DPP10: variants seen among roughly 807,000 people sequenced by gnomAD.
The protein encoded by DPP10 is dipeptidyl peptidase like 10.
A neutral mutation model predicts 120.9 loss-of-function variants in DPP10; 33 were observed. The ratio of observed to expected loss-of-function variants is 0.27; its 90% CI spans 0.21 to 0.37. DPP10 has a LOEUF of 0.37. Ranked by LOEUF, DPP10 falls within the 10% of genes least tolerant of loss-of-function variation. The probability of loss-of-function intolerance (pLI) is 1.00; values close to 1 mark genes in which losing one functional copy is unlikely to be tolerated. For synonymous variants in DPP10, 337 were observed against 326.1 expected, an observed-to-expected ratio of 1.03 and a Z score of -0.36; for missense variants, 816 against 942.8, an observed-to-expected ratio of 0.87 and a Z score of 1.76.
chr2:114,461,542 C>T (rs1678916391), intron 1 of DPP10: 1 of 975,048 alleles, frequency 1.0e-6, no homozygotes, highest in African/African-American at 1.8e-5. Context: ...CAATAATGAT[C>T]AACCTCCTTT....
chr2:115,481,273 T>G (rs1432841729), intron 3 of DPP10, among the ~76,000 whole-genome samples: 1 of 152,066 alleles, frequency 6.6e-6, no homozygotes, highest in African/African-American at 2.4e-5. Context: ...GGGAAGATCT[T>G]CTATGTCATG....
intron 2 of DPP10, among the ~76,000 whole-genome samples, chr2:115,310,908 A>C (rs970854055): frequency 1.6e-4 from 25 of 152,292 alleles, no homozygotes; most frequent in African/African-American, 5.5e-4. Flanking sequence ...TGGTTCTAGC[A>C]TCCTTGGCCC....
chr2:115,209,298 C>T (rs2056356518), intron 1 of DPP10, among the ~76,000 whole-genome samples: 1 of 152,088 alleles, frequency 6.6e-6, no homozygotes, highest in Non-Finnish European at 1.5e-5. Context: ...AGCACCTTGG[C>T]AGAAAATGAA....
chr2:115,145,277 A>G (rs2051160208), intron 1 of DPP10, among the ~76,000 whole-genome samples: 1 of 152,176 alleles, frequency 6.6e-6, no homozygotes, highest in African/African-American at 2.4e-5. Flanking sequence ...TGTTCCTAAA[A>G]GTTTCCCATT....
At chr2:115,206,751 G>T (rs2056161106) in intron 1 of DPP10, among the ~76,000 whole-genome samples, 1 of 152,138 alleles carries the variant, frequency 6.6e-6, no homozygotes, top group Non-Finnish European at 1.5e-5. Flanking sequence ...GTCTGGTACT[G>T]TAAGTGTATA....
At chr2:114,923,082 C>CT (rs1695319995) in intron 1 of DPP10, among the ~76,000 whole-genome samples, 1 of 151,972 alleles carries the variant, frequency 6.6e-6, no homozygotes, top group South Asian at 2.1e-4. Context: ...ATTGGACTGT[C>CT]TTTTTATTGT....
intron 1 of DPP10, among the ~76,000 whole-genome samples, chr2:114,888,751 A>T (rs1692294700): frequency 6.6e-6 from 1 of 152,336 alleles, no homozygotes; most frequent in Non-Finnish European, 1.5e-5. Flanking sequence ...GTTAAAAATC[A>T]TACAGGATCC....
chr2:115,217,859 C>A (rs1387656430), intron 1 of DPP10, among the ~76,000 whole-genome samples: 1 of 152,084 alleles, frequency 6.6e-6, no homozygotes, highest in Non-Finnish European at 1.5e-5. Flanking sequence ...TTGTCTGATT[C>A]ACTTACTTTT....
chr2:114,859,165 T>TAA (rs71394112), intron 1 of DPP10, among the ~76,000 whole-genome samples: 2 of 141,530 alleles, frequency 1.4e-5, no homozygotes, highest in African/African-American at 2.6e-5. Context: ...TGTCTCTACT[T>TAA]AAAAAAAAAA....
chr2:115,010,153 C>T (rs1044672083), intron 1 of DPP10, among the ~76,000 whole-genome samples: 1 of 152,126 alleles, frequency 6.6e-6, no homozygotes, highest in Non-Finnish European at 1.5e-5. Context: ...ATCTATGCAT[C>T]AAGTTTGTTA....
intron 1 of DPP10, among the ~76,000 whole-genome samples, chr2:114,670,541 G>C (rs1224410501): frequency 6.6e-6 from 1 of 151,472 alleles, no homozygotes; most frequent in African/African-American, 2.4e-5. Flanking sequence ...GGGGTGGGGG[G>C]AGTGGGGAGG....
chr2:115,534,555 A>G (rs1030384119), intron 5 of DPP10, among the ~76,000 whole-genome samples: 18 of 152,118 alleles, frequency 1.2e-4, no homozygotes, highest in Non-Finnish European at 2.5e-4. Context: ...ATTTTGAATA[A>G]TGCCGCAATA....
chr2:114,902,152 G>T (rs1693626244), intron 1 of DPP10, among the ~76,000 whole-genome samples: 1 of 152,096 alleles, frequency 6.6e-6, no homozygotes, highest in South Asian at 2.1e-4. Context: ...CATTTTCTGA[G>T]ACTTTTTGAT....
chr2:115,525,896 A>G lies in DPP10; in HGVS notation c.367-2A>G. 6.3e-7 allele frequency: 1 copy of G among 1,589,150 alleles called. No homozygotes were observed. Among genetic ancestry groups the G allele is most frequent in the Non-Finnish European group, 8.5e-7 (1 of 1,172,546 alleles). ...ATAACTGGTTTTTTTTTCTTTTTCT[A>G]GGTAACCTTCAAAGCATCAAGACAT... On this transcript the variant is annotated splice_acceptor_variant, in intron 4 of 25. Coordinates refer to ENST00000410059, the MANE Select transcript of DPP10 (RefSeq NM_020868.6). LOFTEE classifies it high-confidence loss of function.
intron 3 of DPP10, among the ~76,000 whole-genome samples, chr2:115,442,198 G>A (rs1172195338): frequency 6.6e-6 from 1 of 151,952 alleles, no homozygotes; most frequent in Non-Finnish European, 1.5e-5. Flanking sequence ...TAGATTTAAT[G>A]CACAAGCCTC....
chr2:115,026,507 G>A (rs1471400475), intron 1 of DPP10, among the ~76,000 whole-genome samples: 3 of 151,796 alleles, frequency 2.0e-5, no homozygotes, highest in Admixed American at 1.3e-4. Context: ...GGTCTTTTGC[G>A]GTTCCATATA....
At chr2:114,580,027 TG>T (rs990853282) in intron 1 of DPP10, among the ~76,000 whole-genome samples, 13 of 152,204 alleles carry the variant, frequency 8.5e-5, no homozygotes, top group African/African-American at 3.1e-4. Flanking sequence ...TTCCTTCCCT[TG>T]TAGGTCAGAT....
chr2:114,888,510 G>A (rs551899699), intron 1 of DPP10, among the ~76,000 whole-genome samples: 11 of 152,006 alleles, frequency 7.2e-5, no homozygotes, highest in South Asian at 2.1e-4. Context: ...TATATTTAGC[G>A]GCAAAAAAAA....
chr2:115,808,873 G>A lies in DPP10; in HGVS notation c.1701-5920G>A, dbSNP rs146541816. On this transcript the variant is annotated intron_variant, in intron 19 of 25. Transcript: ENST00000410059. ...TCAGGTAGCCTTCATCATAATCACC[G>A]CCAGAAAGAAAAATCTTAGAACTAG... Among the ~76,000 whole-genome samples the A allele has an allele frequency of 1.9e-4, 29 of 152,192 alleles. No homozygotes were observed. The East Asian group carries it at 4.8e-3, about 25-fold the overall frequency.
Sources: gnomAD v4.1 joint callset for allele counts (sites outside exome capture counted in the v4.1 genomes callset) on GRCh38, gnomAD v4.1.1 for gene constraint, MANE v1.5 for transcripts, NCBI Gene and HGNC (gene_info 2026-07-23, HGNC 2026-07-21) for gene names.